Variants in USP7 observed in about 807,000 individuals in gnomAD.
USP7 encodes ubiquitin specific peptidase 7, also known as ubiquitin C-terminal hydrolase 7.
USP7 carries 9 observed loss-of-function variants against 162.9 expected under a neutral mutation model. That is an observed-to-expected ratio of 0.06 (90% CI 0.03 to 0.10). The LOEUF (loss-of-function observed/expected upper bound fraction) is 0.10, where lower values mean the gene tolerates loss of function less well. Ranked by LOEUF, USP7 falls within the 10% of genes least tolerant of loss-of-function variation. USP7 has a pLI of 1.00. For synonymous variants in USP7, 562 were observed against 475.9 expected (o/e 1.18, Z -2.35); for missense variants, 715 against 1,373.7 (o/e 0.52, Z 7.58).
At chr16:8,916,991 A>G in intron 7 of USP7, 35 bp downstream of exon 7, 16 of 1,497,730 alleles carry the variant, frequency 1.1e-5, no homozygotes, top group Non-Finnish European at 1.3e-5. Context: ...AAAAAAGAGG[A>G]AGCAGAATGG....
Position 8,919,014 on chromosome 16 carries a change from G to A in USP7, c.720+17C>T, listed in dbSNP as rs111537953. On this transcript the variant is annotated intron_variant, in intron 6 of 30. Transcript: ENST00000344836. ...GGGTGAGCGGAAGGCTGCAGGAGAGGAACACTATCCATTTACCTTTCGTAG... is the reference window on the plus strand; with the variant it reads ...GGGTGAGCGGAAGGCTGCAGGAGAGAAACACTATCCATTTACCTTTCGTAG... 581 of 1,611,020 alleles carry A rather than the reference G, an allele frequency of 3.6e-4. 1 individual carries two copies. The African/African-American group carries it at 5.5e-3, about 15-fold the overall frequency.
At chr16:8,934,165 T>C (rs2141237820) in intron 1 of USP7, among the ~76,000 whole-genome samples, 1 of 152,318 alleles carries the variant, frequency 6.6e-6, no homozygotes, top group African/African-American at 2.4e-5. Flanking sequence ...AATGCATGGA[T>C]GCAAAAATGA....
chr16:8,905,211 C>T lies in USP7; in HGVS notation c.1549G>A (p.Val517Ile), dbSNP rs2061841420. ...VRHCTNAYML[V>I]YIRESKLSEV... is the part of the protein sequence containing the mutation. ...CTCAGTTTTGATTCCCTGATGTAGA[C>T]TAACATGTAAGCATTAGTGCAGTGT... is the stretch of plus-strand genomic sequence containing the variant. Residue 517 changes from valine (V) to isoleucine (I), a missense_variant, in exon 14 of 31, where the codon GTC becomes ATC. Coordinates refer to ENST00000344836, the MANE Select transcript of USP7 (RefSeq NM_003470.3). 1 of 1,614,088 alleles carries T rather than the reference C, an allele frequency of 6.2e-7. No individual in the cohort carries two copies. Among genetic ancestry groups the T allele is most frequent in the African/African-American group, 1.3e-5 (1 of 74,936 alleles).
chr16:8,963,745 T>C lies in USP7; in HGVS notation c.-460A>G, dbSNP rs942741776. Among the ~76,000 whole-genome samples the C allele has an allele frequency of 1.4e-5, 2 of 140,218 alleles. No homozygotes were observed. Among genetic ancestry groups the C allele is most frequent in the African/African-American group, 2.6e-5 (1 of 38,840 alleles). 92.0% of individuals were successfully genotyped at this position (140,218 alleles called of 152,430 possible). A position where few individuals can be genotyped will look rare whatever the true frequency, so the allele number is the denominator to read the frequency against. ...CCGGCCGCGGCGGGCCTGCGGGCCCTGGGGCCGGCGGGAGCGGCGGAGCGG... is the reference window on the plus strand; with the variant it reads ...CCGGCCGCGGCGGGCCTGCGGGCCCCGGGGCCGGCGGGAGCGGCGGAGCGG... On this transcript the variant is annotated 5_prime_UTR_variant, in exon 1 of 31. Coordinates refer to ENST00000344836, the MANE Select transcript of USP7 (RefSeq NM_003470.3).
intron 1 of USP7, among the ~76,000 whole-genome samples, chr16:8,948,178 CCT>C (rs1899372684): frequency 1.3e-5 from 2 of 152,216 alleles, no homozygotes; most frequent in Admixed American, 6.5e-5. Flanking sequence ...GTTCCGCTCC[CCT>C]GATGGAACCC....
chr16:8,896,875 C>A (rs916719734), intron 26 of USP7, 124 bp downstream of exon 26: 54 of 760,866 alleles, frequency 7.1e-5, no homozygotes, highest in Middle Eastern at 2.4e-4. Flanking sequence ...AGGCACACCC[C>A]ACTGAGTCTG....
intron 1 of USP7, among the ~76,000 whole-genome samples, chr16:8,932,491 G>A (rs1725450734): frequency 1.3e-5 from 2 of 152,160 alleles, no homozygotes; most frequent in South Asian, 4.1e-4. Context: ...CAGAAATACT[G>A]TGGAAGGGGG....
chr16:8,922,232 TA>T (rs1289896297), intron 3 of USP7, among the ~76,000 whole-genome samples: 2 of 152,228 alleles, frequency 1.3e-5, no homozygotes, highest in African/African-American at 4.8e-5. Flanking sequence ...CTCACGCCTG[TA>T]ATCCCAGCAC....
chr16:8,905,469 C>T, intron 13 of USP7, 138 bp from the exon 14 acceptor site: 5 of 1,051,176 alleles, frequency 4.8e-6, no homozygotes, highest in Admixed American at 4.1e-5. Context: ...TGTTCTTATA[C>T]AGGCACACAA....
intron 1 of USP7, among the ~76,000 whole-genome samples, chr16:8,961,774 T>C (rs963642350): frequency 1.3e-5 from 2 of 152,204 alleles, no homozygotes; most frequent in African/African-American, 4.8e-5. Flanking sequence ...ACAAAAGGAA[T>C]ACACAAAATT....
intron 5 of USP7, 107 bp from the exon 6 acceptor site, chr16:8,919,246 G>A: frequency 9.5e-7 from 1 of 1,048,000 alleles, no homozygotes; most frequent in East Asian, 2.4e-5. Flanking sequence ...ACCGAGGCCA[G>A]GAACACTTAT....
chr16:8,900,012 A>G, intron 21 of USP7: 1 of 551,052 alleles, frequency 1.8e-6, no homozygotes, highest in Non-Finnish European at 3.2e-6. Flanking sequence ...AAACCCCCTT[A>G]GGTAACAGCA....
chr16:8,961,271 T>C (rs1398906850), intron 1 of USP7, among the ~76,000 whole-genome samples: 1 of 151,964 alleles, frequency 6.6e-6, no homozygotes, highest in Non-Finnish European at 1.5e-5. Context: ...GGCGGGCAGA[T>C]CACCTGAGGT....
rs1596345286 is a variant in USP7, at chr16:8,893,943, G to A, written c.*55C>T. Reference sequence around the variant, plus strand: ...GAGGGCACGTGCACCAAAGTTCTAGGCTGTTAAGGGGCCACCCACACACCG... The same window carrying A: ...GAGGGCACGTGCACCAAAGTTCTAGACTGTTAAGGGGCCACCCACACACCG... On this transcript the variant is annotated 3_prime_UTR_variant, in exon 31 of 31. Coordinates refer to ENST00000344836, the MANE Select transcript of USP7 (RefSeq NM_003470.3). 2.0e-6 allele frequency: 3 copies of A among 1,520,890 alleles called. No individual in the cohort carries two copies. Among genetic ancestry groups the A allele is most frequent in the South Asian group, 1.1e-5 (1 of 89,240 alleles). The allele number at this position is 1,520,890 out of a possible 1,614,324, so 94.2% of individuals were successfully genotyped here.
At chr16:8,898,976 G>C (rs1320335925) in intron 23 of USP7, 145 bp downstream of exon 23, 1 of 852,518 alleles carries the variant, frequency 1.2e-6, no homozygotes, top group East Asian at 2.5e-5. Context: ...GTCAAGATGT[G>C]AGTGGTGACA....
chr16:8,938,554 T>C lies in USP7; in HGVS notation c.80-8157A>G, dbSNP rs376534252. Among the ~76,000 whole-genome samples the C allele has an allele frequency of 4.0e-5, 6 of 151,318 alleles. No homozygotes were observed. In the East Asian group the frequency reaches 1.2e-3, roughly 29 times the overall value. On this transcript the variant is annotated intron_variant, in intron 1 of 30. Transcript: ENST00000344836. ...GGTGAAACGCCGTCTCTACTGAAAATACAAAAACTTAGCTGGGCACGGTGG... is the reference window on the plus strand; with the variant it reads ...GGTGAAACGCCGTCTCTACTGAAAACACAAAAACTTAGCTGGGCACGGTGG...
chr16:8,923,139 G>C (rs1365943195), intron 3 of USP7, 76 bp downstream of exon 3: 3 of 1,144,788 alleles, frequency 2.6e-6, no homozygotes, highest in African/African-American at 3.0e-5. Context: ...AGGCTATGTA[G>C]AGGCAGCAAA....
At chr16:8,925,182 A>C (rs760592224) in intron 2 of USP7, among the ~76,000 whole-genome samples, 1 of 152,220 alleles carries the variant, frequency 6.6e-6, no homozygotes, top group African/African-American at 2.4e-5. Flanking sequence ...GCTGTTTTAC[A>C]AAGTGACAAT....
At chr16:8,897,397 G>A (rs1297396444) in intron 25 of USP7, 1 of 356,414 alleles carries the variant, frequency 2.8e-6, no homozygotes. Flanking sequence ...GTCACCCAGG[G>A]CCTTCCCAAC....
Sources: allele counts gnomAD v4.1 joint callset (sites outside exome capture counted in the v4.1 genomes callset), GRCh38; gene constraint gnomAD v4.1.1; transcripts MANE v1.5; gene names NCBI Gene and HGNC (gene_info 2026-07-23, HGNC 2026-07-21).